Variants in KCND3 observed in about 807,000 individuals in gnomAD.
KCND3 encodes potassium voltage-gated channel subfamily D member 3.
In KCND3, 9 loss-of-function variants were observed where a neutral mutation model predicts 51.1. That is an observed-to-expected ratio of 0.18 (90% CI 0.11 to 0.31). The LOEUF is 0.31. KCND3 is among the 10% of genes least tolerant of loss of function. The pLI is 1.00. For missense variants in KCND3, 526 were observed against 903.8 expected, an observed-to-expected ratio of 0.58 and a Z score of 5.36; for synonymous variants, 349 against 368.0, an observed-to-expected ratio of 0.95 and a Z score of 0.59.
At chr1:111,959,688 T>G (rs1673529097) in intron 2 of KCND3, among the ~76,000 whole-genome samples, 1 of 152,192 alleles carries the variant, frequency 6.6e-6, no homozygotes, top group African/African-American at 2.4e-5. Context: ...AGAAGCAACT[T>G]CTGTGTCCCT....
At chr1:111,894,693 A>T (rs1415883646) in intron 2 of KCND3, among the ~76,000 whole-genome samples, 1 of 152,200 alleles carries the variant, frequency 6.6e-6, no homozygotes, top group African/African-American at 2.4e-5. Flanking sequence ...GAGGCTGCAA[A>T]TGGCAGGGTC....
At chr1:111,902,068 GC>G (rs1670411997) in intron 2 of KCND3, among the ~76,000 whole-genome samples, 1 of 152,180 alleles carries the variant, frequency 6.6e-6, no homozygotes, top group Non-Finnish European at 1.5e-5. Context: ...ATCTCCCAGA[GC>G]CCCCTCCGGC....
intron 1 of KCND3, chr1:111,989,126 C>T (rs1477493221): frequency 2.6e-5 from 4 of 152,352 alleles, no homozygotes; most frequent in African/African-American, 4.8e-5. Context: ...CCAAACCGCT[C>T]CGGGTTTCCA....
intron 2 of KCND3, among the ~76,000 whole-genome samples, chr1:111,901,180 A>G (rs1232344855): frequency 1.3e-5 from 2 of 152,206 alleles, no homozygotes; most frequent in Non-Finnish European, 2.9e-5. Flanking sequence ...GCAGGTAATT[A>G]AGGATAAATA....
At chr1:111,882,278 C>T (rs1669368088) in intron 2 of KCND3, among the ~76,000 whole-genome samples, 1 of 152,230 alleles carries the variant, frequency 6.6e-6, no homozygotes, top group African/African-American at 2.4e-5. Flanking sequence ...AGGCATGGGG[C>T]ACTCCTCATA....
intron 2 of KCND3, among the ~76,000 whole-genome samples, chr1:111,900,574 C>T (rs1353561830): frequency 6.6e-6 from 1 of 152,092 alleles, no homozygotes; most frequent in Non-Finnish European, 1.5e-5. Context: ...TCTATTTCCT[C>T]ATCTGTAAAA....
chr1:111,897,367 G>A (rs749108994), intron 2 of KCND3, among the ~76,000 whole-genome samples: 1 of 151,820 alleles, frequency 6.6e-6, no homozygotes, highest in African/African-American at 2.4e-5. Flanking sequence ...TCAGCCCTTG[G>A]CAGGGCACCT....
At chr1:111,813,507 C>T (rs565262532) in intron 2 of KCND3, among the ~76,000 whole-genome samples, 4 of 152,280 alleles carry the variant, frequency 2.6e-5, no homozygotes, top group East Asian at 1.9e-4. Flanking sequence ...TGATAATATT[C>T]GCCCAGGACA....
intron 2 of KCND3, among the ~76,000 whole-genome samples, chr1:111,943,853 A>G (rs566226523): frequency 3.4e-4 from 52 of 152,350 alleles, no homozygotes; most frequent in African/African-American, 1.2e-3. Context: ...GACTCGGCCC[A>G]GGAGTGGCAT....
intron 2 of KCND3, among the ~76,000 whole-genome samples, chr1:111,815,983 G>A (rs999415520): frequency 5.3e-5 from 8 of 152,196 alleles, no homozygotes; most frequent in Non-Finnish European, 8.8e-5. Context: ...AAGGGGAAAA[G>A]GGAGGCAGGG....
intron 2 of KCND3, among the ~76,000 whole-genome samples, chr1:111,790,704 T>G (rs894558784): frequency 1.3e-5 from 2 of 152,230 alleles, no homozygotes; most frequent in Non-Finnish European, 2.9e-5. Flanking sequence ...AAAAGAAATG[T>G]GTACCCATTA....
chr1:111,934,938 G>C (rs1375327229), intron 2 of KCND3, among the ~76,000 whole-genome samples: 1 of 152,210 alleles, frequency 6.6e-6, no homozygotes, highest in Non-Finnish European at 1.5e-5. Context: ...CTGGCATGTG[G>C]TTGGCACTCA....
At chr1:111,897,649 C>T (rs1246874926) in intron 2 of KCND3, among the ~76,000 whole-genome samples, 1 of 152,214 alleles carries the variant, frequency 6.6e-6, no homozygotes, top group Non-Finnish European at 1.5e-5. Flanking sequence ...GTTGAAGGCA[C>T]ATGGGCTCAC....
chr1:111,970,845 G>A (rs1178446734), intron 2 of KCND3, among the ~76,000 whole-genome samples: 1 of 152,124 alleles, frequency 6.6e-6, no homozygotes, highest in Non-Finnish European at 1.5e-5. Flanking sequence ...ACTAGGACTG[G>A]GTCATCTTCA....
chr1:111,775,988 G>A lies in KCND3; in HGVS notation c.*89C>T. On this transcript the variant is annotated 3_prime_UTR_variant, in exon 8 of 8. Coordinates refer to ENST00000302127, the MANE Select transcript of KCND3 (RefSeq NM_001378969.1). ...GGGGCAGGCAGAAATAGTGGGGAAA[G>A]GGGGGAGGGAGTGGTCTCAGTGACC... The A allele has an allele frequency of 7.4e-7, 1 of 1,358,036 alleles. No individual in the cohort carries two copies. The highest frequency in any genetic ancestry group is 1.1e-6 in the Non-Finnish European group (1 of 949,990). The allele number at this position is 1,358,036 out of a possible 1,614,324, so 84.1% of individuals were successfully genotyped here.
rs550851008 is a variant in KCND3 at position 111,797,092 on chromosome 1, A to G, written c.1107-9986T>C. Among the ~76,000 whole-genome samples the G allele has an allele frequency of 4.9e-4, 75 of 152,346 alleles. No homozygotes were observed. The South Asian group carries it at 0.013, about 27-fold the overall frequency. Reference sequence around the variant, plus strand: ...AATTGCCTGGAAGGCTCGATAAAACATAGATTGCTGGGCCCCAATCTCAGA... The same window carrying G: ...AATTGCCTGGAAGGCTCGATAAAACGTAGATTGCTGGGCCCCAATCTCAGA... On this transcript the variant is annotated intron_variant, in intron 2 of 7. Coordinates refer to ENST00000302127, the MANE Select transcript of KCND3 (RefSeq NM_001378969.1).
chr1:111,968,826 C>T (rs1674164329), intron 2 of KCND3, among the ~76,000 whole-genome samples: 1 of 152,116 alleles, frequency 6.6e-6, no homozygotes. Flanking sequence ...AGGGGATCGG[C>T]TGAAAGGCTG....
chr1:111,848,281 T>A (rs1278748869), intron 2 of KCND3, among the ~76,000 whole-genome samples: 1 of 152,180 alleles, frequency 6.6e-6, no homozygotes, highest in Non-Finnish European at 1.5e-5. Context: ...CATGTCTGTG[T>A]AGTCTGCTCT....
intron 2 of KCND3, among the ~76,000 whole-genome samples, chr1:111,892,897 A>G (rs994548484): frequency 2.0e-5 from 3 of 152,256 alleles, no homozygotes; most frequent in Admixed American, 6.5e-5. Flanking sequence ...AGGGAGCCCA[A>G]GGGCTGAGAC....
Sources: allele counts gnomAD v4.1 joint callset (sites outside exome capture counted in the v4.1 genomes callset), GRCh38; gene constraint gnomAD v4.1.1; transcripts MANE v1.5; gene names NCBI Gene and HGNC (gene_info 2026-07-23, HGNC 2026-07-21).